Variants in PKMYT1 observed in about 807,000 individuals in gnomAD.
The protein encoded by PKMYT1 is protein kinase, membrane associated tyrosine/threonine 1, also known as membrane-associated tyrosine- and threonine-specific cdc2-inhibitory kinase.
In PKMYT1, 35 loss-of-function variants were observed where a neutral mutation model predicts 49.7. That is an observed-to-expected ratio of 0.70 (90% CI 0.54 to 0.93). PKMYT1 has a LOEUF of 0.93. Ranked by LOEUF, PKMYT1 falls within the 40% of genes least tolerant of loss-of-function variation. The probability of loss-of-function intolerance (pLI) is 0.00; values close to 1 mark genes in which losing one functional copy is unlikely to be tolerated. For synonymous variants in PKMYT1, 331 were observed against 287.6 expected (o/e 1.15, Z -1.53); for missense variants, 677 against 673.1 (o/e 1.01, Z -0.06).
In PKMYT1 at chr16:2,972,916, G is replaced by A. The variant is rs1456371045; in HGVS notation, c.*37C>T. The A allele has an allele frequency of 6.4e-6, 10 of 1,573,288 alleles. No individual in the cohort carries two copies. The East Asian group carries it at 1.6e-4, about 25-fold the overall frequency. On this transcript the variant is annotated 3_prime_UTR_variant, in exon 9 of 9. Transcript: ENST00000262300. The stretch of plus-strand genomic sequence containing the variant: ...TTCAAGGGCGACGGGAGAGACACAG[G>A]ATAAAAGGTTAAAAGTGCAGAGGCA...
At chr16:2,976,521 T>G in intron 3 of PKMYT1, 143 bp downstream of exon 3, 2 of 759,598 alleles carry the variant, frequency 2.6e-6, no homozygotes, top group East Asian at 3.2e-5. Context: ...AAGTCAAATG[T>G]GGAGGGAGCC....
Position 2,976,020 on chromosome 16 carries a change from G to A in PKMYT1, c.379-208C>T, listed in dbSNP as rs765986417. ...GCTGGGTCTGTGGAGACCCAGCGACGGAGGAGCCAGGGCCGACCTGCACTG... is the reference window on the plus strand; with the variant it reads ...GCTGGGTCTGTGGAGACCCAGCGACAGAGGAGCCAGGGCCGACCTGCACTG... On this transcript the variant is annotated intron_variant, in intron 3 of 8. Transcript: ENST00000262300. The A allele has an allele frequency of 3.2e-5, 19 of 591,074 alleles. No individual in the cohort carries two copies. In the South Asian group the frequency reaches 3.3e-4, roughly 10 times the overall value. The allele number at this position is 591,074 out of a possible 1,614,324, so 36.6% of individuals were successfully genotyped here.
At chr16:2,976,632 C>G (rs893715533) in intron 3 of PKMYT1, 32 bp downstream of exon 3, 44 of 1,413,662 alleles carry the variant, frequency 3.1e-5, no homozygotes, top group Non-Finnish European at 4.1e-5. Context: ...GGAGGTCCCC[C>G]AGATGGGCCT....
Position 2,977,078 on chromosome 16 carries a change from G to A in PKMYT1, c.11-47C>T, listed in dbSNP as rs764456753. The A allele has an allele frequency of 3.8e-6, 6 of 1,586,548 alleles. No homozygotes were observed. In the East Asian group the frequency reaches 1.4e-4, roughly 36 times the overall value. Reference sequence around the variant, plus strand: ...GAGTACAGGGCAGCATGTCCACTCTGATACCACCTGGCCCTGTGGCTCCAA... The same window carrying A: ...GAGTACAGGGCAGCATGTCCACTCTAATACCACCTGGCCCTGTGGCTCCAA... On this transcript the variant is annotated intron_variant, in intron 2 of 8. Coordinates refer to ENST00000262300, the MANE Select transcript of PKMYT1 (RefSeq NM_004203.5).
intron 2 of PKMYT1, 79 bp downstream of exon 2, chr16:2,979,569 G>T: frequency 8.3e-7 from 1 of 1,210,800 alleles, no homozygotes; most frequent in African/African-American, 1.5e-5. Context: ...CAGCCTCCAG[G>T]CCCAACCCTG....
At chr16:2,977,247 A>T in intron 2 of PKMYT1, 3 of 1,392,774 alleles carry the variant, frequency 2.2e-6, no homozygotes, top group Non-Finnish European at 2.8e-6. Flanking sequence ...TAGAGATGAT[A>T]GAAACATAAG....
In PKMYT1 at chr16:2,977,088, G is replaced by T. The variant is rs765625533; in HGVS notation, c.11-57C>A. On this transcript the variant is annotated intron_variant, in intron 2 of 8. Transcript: ENST00000262300. ...CAGCATGTCCACTCTGATACCACCT[G>T]GCCCTGTGGCTCCAAAGAGGCCACA... 54 of 1,583,640 alleles carry T rather than the reference G, an allele frequency of 3.4e-5. No homozygotes were observed. In the Admixed American group the frequency reaches 5.9e-4, roughly 17 times the overall value.
At chr16:2,973,684 G>C (rs1418832770) in intron 7 of PKMYT1, 4 of 466,556 alleles carry the variant, frequency 8.6e-6, no homozygotes, top group East Asian at 8.7e-5. Context: ...GACTCCAGAG[G>C]CTTTCTCTTC....
chr16:2,975,989 C>T, intron 3 of PKMYT1, 177 bp from the exon 4 acceptor site: 1 of 699,522 alleles, frequency 1.4e-6, no homozygotes, highest in East Asian at 2.8e-5. Context: ...AACCTCCATC[C>T]CTCGGGCTGG....
At chr16:2,979,941 C>T in intron 1 of PKMYT1, 29 bp from the exon 2 acceptor site, 1 of 508,970 alleles carries the variant, frequency 2.0e-6, no homozygotes, top group Non-Finnish European at 3.6e-6. Context: ...GACGGGCTGT[C>T]ACGAGGGAAG....
At chr16:2,973,095 C>G (rs141428002) in intron 8 of PKMYT1, 31 bp from the exon 9 acceptor site, 243 of 1,575,034 alleles carry the variant, frequency 1.5e-4, no homozygotes, top group Admixed American at 1.5e-4. Context: ...CACTCAGGAT[C>G]CAAAAGCTAG....
At position 2,976,864 on chromosome 16, in the gene PKMYT1, T is replaced by C. The variant is rs767681910; in HGVS notation, c.178A>G (p.Ser60Gly). 2 of 1,531,998 alleles carry C rather than the reference T, an allele frequency of 1.3e-6. No individual in the cohort carries two copies. The highest frequency in any genetic ancestry group is 1.8e-6 in the Non-Finnish European group (2 of 1,134,484). The allele number at this position is 1,531,998 out of a possible 1,614,324, so 94.9% of individuals were successfully genotyped here. ...GGGAAGAGGCGGCTGATGGGAATGCTGCCCTTGGCAGGGGGCGGAGGTGGG... is the reference window on the plus strand; with the variant it reads ...GGGAAGAGGCGGCTGATGGGAATGCCGCCCTTGGCAGGGGGCGGAGGTGGG... ...SLPPPPPAKG[S>G]IPISRLFPPR... The change falls in exon 3 of 9, where the codon AGC becomes GGC. Residue 60 changes from serine (S) to glycine (G), a missense_variant. Coordinates refer to ENST00000262300, the MANE Select transcript of PKMYT1 (RefSeq NM_004203.5).
chr16:2,977,329 C>G, intron 2 of PKMYT1: 1 of 1,210,442 alleles, frequency 8.3e-7, no homozygotes, highest in Non-Finnish European at 1.0e-6. Context: ...TGGAGTCAGA[C>G]GGGCTGCGCC....
chr16:2,976,774 C>G lies in PKMYT1; in HGVS notation c.268G>C (p.Glu90Gln). 2 of 1,579,014 alleles carry G rather than the reference C, an allele frequency of 1.3e-6. No individual in the cohort carries two copies. Among genetic ancestry groups the G allele is most frequent in the South Asian group, 2.3e-5 (2 of 87,044 alleles). The stretch of plus-strand genomic sequence containing the variant: ...TCATACCCAGGGCTCTGCAGAGTCT[C>G]TGAGGCCTCGCCCCGGAATGACACC... The part of the protein sequence containing the change: ...RRVSFRGEAS[E>Q]TLQSPGYDPS... Residue 90 changes from glutamate to glutamine, a missense_variant, in exon 3 of 9, where the codon GAG (glutamate) becomes CAG (glutamine). Coordinates refer to ENST00000262300, the MANE Select transcript of PKMYT1 (RefSeq NM_004203.5).
At position 2,979,727 on chromosome 16, in the gene PKMYT1, AG is replaced by A; in HGVS notation, c.-71del. ...GGAGCAGGGGCTCCCACGTGAATCC[AG>A]GGTGTCCCTGAGCTAAGGCCAGGCG... On this transcript the variant is annotated 5_prime_UTR_variant, in exon 2 of 9. Coordinates refer to ENST00000262300, the MANE Select transcript of PKMYT1 (RefSeq NM_004203.5). The A allele has an allele frequency of 6.2e-7, 1 of 1,609,542 alleles. No homozygotes were observed. The highest frequency in any genetic ancestry group is 2.2e-5 in the East Asian group (1 of 44,776).
At chr16:2,974,729 C>T in intron 4 of PKMYT1, 73 bp from the exon 5 acceptor site, 1 of 993,506 alleles carries the variant, frequency 1.0e-6, no homozygotes, top group Non-Finnish European at 1.5e-6. Flanking sequence ...AGGGCTGCCT[C>T]TTGGAGGTGG....
In PKMYT1 at chr16:2,973,214, G is replaced by A. The variant is rs529448688; in HGVS notation, c.1312C>T (p.Pro438Ser). ...AGGACAGCCTCAGGGGAGAGTGAAGGCCTGCAGGAGGGCAGGCGAGACAAG... is the reference window on the plus strand; with the variant it reads ...AGGACAGCCTCAGGGGAGAGTGAAGACCTGCAGGAGGGCAGGCGAGACAAG... ...SSNWDDDSLG[P>S]SLSPEAVLAR... is the part of the protein sequence containing the mutation. The change falls in exon 8 of 9, where the codon CCT (proline) becomes TCT (serine). Residue 438 changes from proline (P) to serine (S), a missense_variant and splice_region_variant. By Grantham distance (74) the Pro-to-Ser change is moderately conservative. Transcript: ENST00000262300. 3.3e-6 allele frequency: 5 copies of A among 1,498,646 alleles called. No homozygotes were observed. Among genetic ancestry groups the A allele is most frequent in the Non-Finnish European group, 4.5e-6 (5 of 1,120,940 alleles). 92.8% of individuals were successfully genotyped at this position (1,498,646 alleles called of 1,614,324 possible).
chr16:2,972,843 A>G lies in PKMYT1; in HGVS notation c.*110T>C, dbSNP rs944812746. The G allele has an allele frequency of 1.4e-5, 22 of 1,532,298 alleles. No individual in the cohort carries two copies. In the African/African-American group the frequency reaches 2.6e-4, roughly 18 times the overall value. 94.9% of individuals were successfully genotyped at this position (1,532,298 alleles called of 1,614,324 possible). On this transcript the variant is annotated 3_prime_UTR_variant, in exon 9 of 9. Coordinates refer to ENST00000262300, the MANE Select transcript of PKMYT1 (RefSeq NM_004203.5). ...CCAAGGTTCAAATACTTTTTATTAGACACGGCCAGGCAGAGAAGACCATGG... is the reference window on the plus strand; with the variant it reads ...CCAAGGTTCAAATACTTTTTATTAGGCACGGCCAGGCAGAGAAGACCATGG...
intron 4 of PKMYT1, 75 bp downstream of exon 4, chr16:2,975,244 C>T: frequency 6.8e-7 from 1 of 1,463,816 alleles, no homozygotes; most frequent in Non-Finnish European, 9.1e-7. Context: ...GAGCTTCCCT[C>T]CTGGGGAATG....
Sources: gnomAD v4.1 joint callset for allele counts on GRCh38, gnomAD v4.1.1 for gene constraint, MANE v1.5 for transcripts, NCBI Gene and HGNC (gene_info 2026-07-23, HGNC 2026-07-21) for gene names.